GUCA1A: variants seen among roughly 807,000 people sequenced by gnomAD.
The protein encoded by GUCA1A is guanylate cyclase activator 1A.
A neutral mutation model predicts 18.5 loss-of-function variants in GUCA1A; 14 were observed. That is an observed-to-expected ratio of 0.76 (90% confidence interval 0.50 to 1.18). GUCA1A has a LOEUF of 1.18. Ranked by LOEUF, GUCA1A falls within the 50% of genes most tolerant of loss-of-function variation. The probability of loss-of-function intolerance (pLI) is 0.00; values close to 1 mark genes in which losing one functional copy is unlikely to be tolerated. For synonymous variants in GUCA1A, 97 were observed against 100.2 expected, an observed-to-expected ratio of 0.97 and a Z score of 0.19; for missense variants, 264 against 262.4, an observed-to-expected ratio of 1.01 and a Z score of -0.04.
intron 1 of GUCA1A, 76 bp from the exon 2 acceptor site, chr6:42,178,204 G>C: frequency 6.4e-7 from 1 of 1,552,360 alleles, no homozygotes; most frequent in Non-Finnish European, 8.8e-7. Flanking sequence ...CGGAGCCTTG[G>C]GTTATGATGG....
chr6:42,173,516 A>C lies in GUCA1A; in HGVS notation c.-98A>C. 1.1e-6 allele frequency: 1 copy of C among 923,404 alleles called. No individual in the cohort carries two copies. Among genetic ancestry groups the C allele is most frequent in the Non-Finnish European group, 1.8e-6 (1 of 565,922 alleles). The allele number at this position is 923,404 out of a possible 1,614,324, so 57.2% of individuals were successfully genotyped here. ...CAGGCCTGAAGGACTCAGGCCTGTG[A>C]GAGAGGACGGCCCCGTTGTCGGCCA... On this transcript the variant is annotated 5_prime_UTR_variant, in exon 1 of 4. Coordinates refer to ENST00000372958, the MANE Select transcript of GUCA1A (RefSeq NM_001384910.1).
intron 1 of GUCA1A, 112 bp downstream of exon 1, chr6:42,173,926 AG>A: frequency 1.3e-6 from 1 of 779,590 alleles, no homozygotes; most frequent in Non-Finnish European, 2.2e-6. Context: ...TCCGCTGGGG[AG>A]CAACTTCATT....
chr6:42,176,436 T>C (rs1259172506), intron 1 of GUCA1A, among the ~76,000 whole-genome samples: 1 of 150,408 alleles, frequency 6.6e-6, no homozygotes, highest in Non-Finnish European at 1.5e-5. Context: ...TTTTTTGTTG[T>C]TGTTGTTGTT....
chr6:42,176,020 T>G (rs1767951106), intron 1 of GUCA1A, among the ~76,000 whole-genome samples: 1 of 152,204 alleles, frequency 6.6e-6, no homozygotes, highest in Admixed American at 6.5e-5. Context: ...ATACCAGATT[T>G]AAATAACATT....
intron 1 of GUCA1A, among the ~76,000 whole-genome samples, chr6:42,174,392 T>C (rs986787667): frequency 6.6e-6 from 1 of 152,112 alleles, no homozygotes; most frequent in African/African-American, 2.4e-5. Flanking sequence ...ACAGACAGGG[T>C]TGCCTGGTCC....
chr6:42,174,493 A>G (rs571456826), intron 1 of GUCA1A, among the ~76,000 whole-genome samples: 1 of 152,300 alleles, frequency 6.6e-6, no homozygotes, highest in African/African-American at 2.4e-5. Context: ...CACCGTGGTC[A>G]AATTGTGTCT....
chr6:42,178,236 A>T (rs759270749), intron 1 of GUCA1A, 44 bp from the exon 2 acceptor site: 1 of 1,610,464 alleles, frequency 6.2e-7, no homozygotes, highest in Admixed American at 1.7e-5. Flanking sequence ...GGCTGGAGTG[A>T]GCGGGGCCCG....
At chr6:42,177,264 T>A (rs942612710) in intron 1 of GUCA1A, among the ~76,000 whole-genome samples, 4 of 152,170 alleles carry the variant, frequency 2.6e-5, no homozygotes, top group African/African-American at 9.7e-5. Flanking sequence ...GCTTTGTCAT[T>A]CAAACTAGAG....
chr6:42,177,902 C>T (rs1767999925), intron 1 of GUCA1A, among the ~76,000 whole-genome samples: 1 of 152,234 alleles, frequency 6.6e-6, no homozygotes, highest in South Asian at 2.1e-4. Flanking sequence ...CTCCCACCTA[C>T]GCACATGTCT....
rs753842382 is a variant in GUCA1A at position 42,178,260 on chromosome 6, C to G, written c.202-20C>G. 1 of 1,612,542 alleles carries G rather than the reference C, an allele frequency of 6.2e-7. No individual in the cohort carries two copies. The stretch of plus-strand genomic sequence containing the variant: ...GAGCGGGGCCCGGATGGGCTCACGG[C>G]GGCCGCGCCCCTCGCCCAGGACGGC... On this transcript the variant is annotated intron_variant, in intron 1 of 3. Transcript: ENST00000372958.
intron 1 of GUCA1A, among the ~76,000 whole-genome samples, chr6:42,175,988 C>T (rs1027364587): frequency 2.1e-4 from 32 of 151,908 alleles, no homozygotes; most frequent in African/African-American, 6.8e-4. Flanking sequence ...CACCTTTCCC[C>T]GCAAGCACCT....
chr6:42,178,632 G>T, intron 2 of GUCA1A, 170 bp from the exon 3 acceptor site: 1 of 813,870 alleles, frequency 1.2e-6, no homozygotes, highest in South Asian at 1.3e-5. Flanking sequence ...AATACCAAAA[G>T]ACGATAGAAG....
chr6:42,173,803 G>T lies in GUCA1A; in HGVS notation c.190G>T (p.Asp64Tyr). ...CGTGGAACAGATGTTTGAGACTTTT[G>T]ACTTCAACAAGGTGAGCAGGGGCCC... ...QYVEQMFETF[D>Y]FNKDGYIDFM... Residue 64 changes from aspartate to tyrosine, a missense_variant, in exon 1 of 4, where the codon GAC becomes TAC. Physicochemically the swap from Asp to Tyr is radical, Grantham distance 160. Coordinates refer to ENST00000372958, the MANE Select transcript of GUCA1A (RefSeq NM_001384910.1). The T allele has an allele frequency of 2.5e-6, 4 of 1,613,530 alleles. No individual in the cohort carries two copies. Among genetic ancestry groups the T allele is most frequent in the South Asian group, 1.1e-5 (1 of 91,036 alleles).
chr6:42,176,217 A>G (rs1476246150), intron 1 of GUCA1A, among the ~76,000 whole-genome samples: 1 of 152,148 alleles, frequency 6.6e-6, no homozygotes, highest in African/African-American at 2.4e-5. Flanking sequence ...ATGGCTAGTT[A>G]TTTTATAATA....
At chr6:42,178,206 T>C in intron 1 of GUCA1A, 74 bp from the exon 2 acceptor site, 6 of 1,562,242 alleles carry the variant, frequency 3.8e-6, no homozygotes, top group Non-Finnish European at 5.3e-6. Flanking sequence ...GAGCCTTGGG[T>C]TATGATGGGC....
intron 1 of GUCA1A, 29 bp downstream of exon 1, chr6:42,173,843 G>A (rs988943393): frequency 2.6e-6 from 4 of 1,563,328 alleles, no homozygotes; most frequent in African/African-American, 2.7e-5. Flanking sequence ...GCAGGGAGGG[G>A]AAGTGCTGGA....
intron 1 of GUCA1A, among the ~76,000 whole-genome samples, chr6:42,177,231 T>A (rs1380236673): frequency 6.6e-6 from 1 of 152,216 alleles, no homozygotes; most frequent in African/African-American, 2.4e-5. Flanking sequence ...ACTAGCTGTT[T>A]GGCCTAATCT....
chr6:42,175,429 C>T (rs982187183), intron 1 of GUCA1A, among the ~76,000 whole-genome samples: 3 of 139,748 alleles, frequency 2.1e-5, no homozygotes, highest in African/African-American at 5.3e-5. Flanking sequence ...GGCGTGATCT[C>T]GGCTCACTGC....
Position 42,178,485 on chromosome 6 carries a change from G to A in GUCA1A, c.351+56G>A. 6.1e-6 allele frequency: 9 copies of A among 1,464,920 alleles called. No homozygotes were observed. The South Asian group carries it at 1.0e-4, about 17-fold the overall frequency. 90.7% of individuals were successfully genotyped at this position (1,464,920 alleles called of 1,614,324 possible). On this transcript the variant is annotated intron_variant, in intron 2 of 3. Coordinates refer to ENST00000372958, the MANE Select transcript of GUCA1A (RefSeq NM_001384910.1). ...GCGGTCTGGGGTGGGACCCGGAACT[G>A]AGAGCCCAGGGTTAGAACAACAATC...
Sources: gnomAD v4.1 joint callset for allele counts (sites outside exome capture counted in the v4.1 genomes callset) on GRCh38, gnomAD v4.1.1 for gene constraint, MANE v1.5 for transcripts, NCBI Gene and HGNC (gene_info 2026-07-23, HGNC 2026-07-21) for gene names.